Variants in ZC3H12B observed in about 807,000 individuals in gnomAD.
ZC3H12B encodes probable ribonuclease ZC3H12B.
In ZC3H12B, 7 loss-of-function variants were observed where a neutral mutation model predicts 43.9. That is an observed-to-expected ratio of 0.16 (90% CI 0.09 to 0.30). The LOEUF is 0.30. Ranked by LOEUF, ZC3H12B falls within the 10% of genes least tolerant of loss-of-function variation. ZC3H12B has a pLI of 1.00. For missense variants in ZC3H12B, 475 were observed against 670.2 expected (o/e 0.71, Z 3.22); for synonymous variants, 222 against 241.7 (o/e 0.92, Z 0.76).
chrX:65,281,896 T>C, the ZC3H12B span, among the ~76,000 whole-genome samples: 3 of 111,789 alleles, frequency 2.7e-5, no homozygotes, highest in Admixed American at 2.8e-4. Context: ...ACCTACAGAA[T>C]GTTAAGAAAG....
chrX:65,161,200 A>G, the ZC3H12B span, among the ~76,000 whole-genome samples: 2 of 111,262 alleles, frequency 1.8e-5, no homozygotes, highest in African/African-American at 3.3e-5. Flanking sequence ...CAATTTTGGA[A>G]TAGGTATGGT....
chrX:65,506,807 A>C (rs991161916), exon 5 of ZC3H12B: 5 of 111,187 alleles, frequency 4.5e-5, no homozygotes, highest in Non-Finnish European at 9.4e-5. Flanking sequence ...AACTCAAAGG[A>C]AAAGAAGCCT....
At chrX:65,436,898 G>A (rs1019478158) in intron 3 of ZC3H12B, among the ~76,000 whole-genome samples, 3 of 110,576 alleles carry the variant, frequency 2.7e-5, no homozygotes, top group African/African-American at 9.8e-5. Context: ...ATTGGCTTTA[G>A]TCATCCTGTT....
At chrX:65,497,930 G>T (rs1414074232) in intron 2 of ZC3H12B, among the ~76,000 whole-genome samples, 2 of 111,311 alleles carry the variant, frequency 1.8e-5, no homozygotes, top group Non-Finnish European at 3.8e-5. Context: ...TTGAGACAGG[G>T]TCTCACTCTG....
the ZC3H12B span, among the ~76,000 whole-genome samples, chrX:65,274,441 G>C: frequency 2.7e-5 from 3 of 110,228 alleles, no homozygotes; most frequent in Non-Finnish European, 5.7e-5. Flanking sequence ...AAGCCCACAT[G>C]GGTAACTGAA....
At chrX:65,040,471 G>GA in the ZC3H12B span, among the ~76,000 whole-genome samples, 8 of 108,280 alleles carry the variant, frequency 7.4e-5, no homozygotes, top group Admixed American at 5.9e-4. Context: ...TAGAAACAAG[G>GA]AAAAAAAATA....
the ZC3H12B span, among the ~76,000 whole-genome samples, chrX:65,252,996 T>C: frequency 8.9e-6 from 1 of 112,099 alleles, no homozygotes; most frequent in African/African-American, 3.2e-5. Flanking sequence ...AATTAGTAAA[T>C]TGATTTGGAA....
chrX:65,381,260 A>C (rs1185008267), intron 2 of ZC3H12B, among the ~76,000 whole-genome samples: 1 of 111,973 alleles, frequency 8.9e-6, no homozygotes, highest in Admixed American at 9.5e-5. Flanking sequence ...TATCTCTCAG[A>C]CCACAGTGCA....
chrX:65,059,033 T>A, the ZC3H12B span, among the ~76,000 whole-genome samples: 2 of 112,009 alleles, frequency 1.8e-5, no homozygotes, highest in African/African-American at 6.5e-5. Context: ...CCGGGTGTGG[T>A]GATGCCTTGC....
At chrX:65,201,639 CCTCTCTCTCTCTCTCTCT>C in the ZC3H12B span, among the ~76,000 whole-genome samples, 24 of 64,552 alleles carry the variant, frequency 3.7e-4, no homozygotes, top group South Asian at 1.1e-3. Context: ...TGAAAGATCA[CCTCTCTCTCTCTCTCTCT>C]CTCTCTCTCT....
At chrX:65,086,947 T>C in the ZC3H12B span, among the ~76,000 whole-genome samples, 1 of 110,371 alleles carries the variant, frequency 9.1e-6, no homozygotes, top group Admixed American at 9.7e-5. Context: ...ATACCCACCT[T>C]ACTCTGCTTG....
chrX:65,346,525 G>GA, the ZC3H12B span, among the ~76,000 whole-genome samples: 9 of 111,331 alleles, frequency 8.1e-5, no homozygotes, highest in South Asian at 3.7e-4. Flanking sequence ...AAAAATCCTA[G>GA]AAAAAAACCC....
chrX:65,087,029 T>C, the ZC3H12B span, among the ~76,000 whole-genome samples: 4 of 110,414 alleles, frequency 3.6e-5, no homozygotes, highest in African/African-American at 1.3e-4. Context: ...TCTGATGCTC[T>C]GGCTGGCCCT....
chrX:65,124,569 C>G, the ZC3H12B span, among the ~76,000 whole-genome samples: 2 of 110,777 alleles, frequency 1.8e-5, no homozygotes, highest in Admixed American at 9.6e-5. Flanking sequence ...GTTATCAGTT[C>G]TCCATTGAAT....
chrX:65,132,239 G>T, the ZC3H12B span, among the ~76,000 whole-genome samples: 3 of 112,025 alleles, frequency 2.7e-5, no homozygotes, highest in African/African-American at 9.7e-5. Flanking sequence ...GGTTGATAAG[G>T]TGCAGATCCT....
At chrX:65,100,153 T>G in the ZC3H12B span, among the ~76,000 whole-genome samples, 48 of 110,840 alleles carry the variant, frequency 4.3e-4, no homozygotes, top group East Asian at 3.7e-3. Context: ...GAAGTCAGCT[T>G]AATGAAATAA....
chrX:65,103,086 G>C, the ZC3H12B span, among the ~76,000 whole-genome samples: 1 of 111,254 alleles, frequency 9.0e-6, no homozygotes, highest in African/African-American at 3.3e-5. Context: ...AAACTGGTCT[G>C]ACTGAAATTT....
upstream of ZC3H12B, among the ~76,000 whole-genome samples, chrX:65,366,060 G>T (rs1387109724): frequency 9.1e-6 from 1 of 110,336 alleles, no homozygotes; most frequent in East Asian, 2.9e-4. Flanking sequence ...ACAGCATTAG[G>T]CTACTTAATA....
chrX:65,305,446 G>T, the ZC3H12B span, among the ~76,000 whole-genome samples: 1 of 112,093 alleles, frequency 8.9e-6, no homozygotes, highest in African/African-American at 3.2e-5. Flanking sequence ...CTCATTAAGA[G>T]ATAGCGATCT....
Sources: gnomAD v4.1 joint callset for allele counts (sites outside exome capture counted in the v4.1 genomes callset) on GRCh38, gnomAD v4.1.1 for gene constraint, MANE v1.5 for transcripts, NCBI Gene and HGNC (gene_info 2026-07-23, HGNC 2026-07-21) for gene names.